Variants in HNF1B observed in about 807,000 individuals in gnomAD.
The protein encoded by HNF1B is HNF1 homeobox B, also known as hepatocyte nuclear factor 1-beta.
In HNF1B, 8 loss-of-function variants were observed where a neutral mutation model predicts 61.7. The observed-to-expected ratio is 0.13, with a 90% CI of 0.08 to 0.23. The LOEUF is 0.23. Ranked by LOEUF, HNF1B falls within the 10% of genes least tolerant of loss-of-function variation. The pLI is 1.00. For synonymous variants in HNF1B, 314 were observed against 287.7 expected (o/e 1.09, Z -0.93); for missense variants, 562 against 714.5 (o/e 0.79, Z 2.43).
At chr17:37,696,587 T>C (rs1465271768) in intron 8 of HNF1B, among the ~76,000 whole-genome samples, 2 of 152,242 alleles carry the variant, frequency 1.3e-5, no homozygotes, top group Non-Finnish European at 2.9e-5. Flanking sequence ...CAGAGGCAGA[T>C]GCTGGCATCA....
At chr17:37,719,555 T>G (rs1390962984) in intron 4 of HNF1B, among the ~76,000 whole-genome samples, 1 of 152,252 alleles carries the variant, frequency 6.6e-6, no homozygotes, top group African/African-American at 2.4e-5. Context: ...AGTGCCCTTC[T>G]GCAGTCTGGC....
At chr17:37,689,146 CAAAAAAAAAAAAAA>C (rs71368464) in intron 8 of HNF1B, among the ~76,000 whole-genome samples, 1 of 62,428 alleles carries the variant, frequency 1.6e-5, no homozygotes. Context: ...CTTGGTCTCA[CAAAAAAAAAAAAAA>C]AAAAAAAAAA....
chr17:37,739,582 G>T lies in HNF1B; in HGVS notation c.402C>A (p.Ile134=). 1 of 1,614,150 alleles carries T rather than the reference G, an allele frequency of 6.2e-7. No homozygotes were observed. The highest frequency in any genetic ancestry group is 8.5e-7 in the Non-Finnish European group (1 of 1,180,034). The change falls in exon 2 of 9, where the codon ATC becomes ATA. Residue 134 remains isoleucine (I), a synonymous_variant. Coordinates refer to ENST00000617811, the MANE Select transcript of HNF1B (RefSeq NM_000458.4). ...MIKGYMQQHN[I]PQREVVDVTG... The stretch of plus-strand genomic sequence containing the variant: ...TGACATCGACCACCTCCCTCTGGGG[G>T]ATGTTGTGTTGCTGCATGTAACCCT...
chr17:37,732,932 C>T (rs931266597), intron 3 of HNF1B, among the ~76,000 whole-genome samples: 1 of 151,978 alleles, frequency 6.6e-6, no homozygotes, highest in Non-Finnish European at 1.5e-5. Context: ...CCTCCCGCCT[C>T]GGCCTCCCAA....
intron 3 of HNF1B, among the ~76,000 whole-genome samples, chr17:37,732,860 A>T (rs1398714859): frequency 1.1e-4 from 15 of 136,430 alleles, no homozygotes; most frequent in African/African-American, 3.9e-4. Flanking sequence ...TTTTTTTTTT[A>T]AATAGAGATA....
chr17:37,736,840 G>A (rs2033846915), intron 2 of HNF1B, among the ~76,000 whole-genome samples: 1 of 152,192 alleles, frequency 6.6e-6, no homozygotes, highest in South Asian at 2.1e-4. Flanking sequence ...GGGTTCCACT[G>A]ACATCAGGGG....
In HNF1B at chr17:37,699,056, G is replaced by A. The variant is rs775794797; in HGVS notation, c.1653+20C>T. ...ACACCCTGCCCACACCCCAACCCCC[G>A]CAAATCCTGCTGGCATTACCTGTTT... On this transcript the variant is annotated intron_variant, in intron 8 of 8. Coordinates refer to ENST00000617811, the MANE Select transcript of HNF1B (RefSeq NM_000458.4). 1.3e-5 allele frequency: 20 copies of A among 1,574,770 alleles called. No individual in the cohort carries two copies. Among genetic ancestry groups the A allele is most frequent in the Middle Eastern group, 1.7e-4 (1 of 5,950 alleles).
At chr17:37,730,501 C>A in intron 4 of HNF1B, 1 of 152,440 alleles carries the variant, frequency 6.6e-6, no homozygotes, top group Non-Finnish European at 1.5e-5. Flanking sequence ...AGAGGCAGTG[C>A]TATGGGAGGG....
rs5820230 is a variant in HNF1B at position 37,688,380 on chromosome 17, AACACACACAC to A, written c.1654-998_1654-989del. 3.8e-3 allele frequency among the ~76,000 whole-genome samples: 519 copies of A among 136,180 alleles called. 5 individuals are homozygous for A. Among genetic ancestry groups the A allele is most frequent in the Non-Finnish European group, 6.1e-3 (381 of 62,872 alleles). 89.3% of individuals were successfully genotyped at this position (136,180 alleles called of 152,430 possible). On this transcript the variant is annotated intron_variant, in intron 8 of 8. Coordinates refer to ENST00000617811, the MANE Select transcript of HNF1B (RefSeq NM_000458.4). The stretch of plus-strand genomic sequence containing the variant: ...GGCTTATTCTCTCAAGATCCCCCCA[AACACACACAC>A]ACACACACACACACACACACACACA...
At chr17:37,696,570 T>A (rs58679466) in intron 8 of HNF1B, among the ~76,000 whole-genome samples, 1 of 152,128 alleles carries the variant, frequency 6.6e-6, no homozygotes, top group Non-Finnish European at 1.5e-5. Flanking sequence ...CCTTCTGAGG[T>A]CTTCAGCAGA....
chr17:37,710,462 T>C (rs1336485789), intron 5 of HNF1B, 41 bp downstream of exon 5: 8 of 1,611,384 alleles, frequency 5.0e-6, no homozygotes, highest in Non-Finnish European at 6.8e-6. Flanking sequence ...TTGCCTCTTA[T>C]CTTATCAGCT....
intron 8 of HNF1B, among the ~76,000 whole-genome samples, chr17:37,688,808 G>A (rs1187141850): frequency 6.6e-6 from 1 of 152,140 alleles, no homozygotes; most frequent in Admixed American, 6.5e-5. Flanking sequence ...TTATTAACAT[G>A]GGGTTCTTCG....
At chr17:37,687,447 G>A (rs371177700) in intron 8 of HNF1B, 55 bp from the exon 9 acceptor site, 51 of 1,411,162 alleles carry the variant, frequency 3.6e-5, no homozygotes, top group Non-Finnish European at 5.0e-5. Context: ...AGGGTCATGG[G>A]CCATTAGTTT....
At chr17:37,738,512 G>A (rs910934617) in intron 2 of HNF1B, among the ~76,000 whole-genome samples, 1 of 152,224 alleles carries the variant, frequency 6.6e-6, no homozygotes, top group Non-Finnish European at 1.5e-5. Flanking sequence ...CCTAGATAAA[G>A]CCAGAGGATA....
intron 4 of HNF1B, among the ~76,000 whole-genome samples, chr17:37,723,842 A>G (rs942193547): frequency 1.9e-4 from 29 of 152,256 alleles, no homozygotes; most frequent in African/African-American, 7.0e-4. Context: ...TTACATATAT[A>G]TTATCTTATT....
In HNF1B at chr17:37,722,214, C is replaced by G. The variant is rs547329786; in HGVS notation, c.1045+9381G>C. Among the ~76,000 whole-genome samples, 5 of 152,240 alleles carry G rather than the reference C, an allele frequency of 3.3e-5. No homozygotes were observed. In the East Asian group the frequency reaches 7.7e-4, roughly 23 times the overall value. On this transcript the variant is annotated intron_variant, in intron 4 of 8. Transcript: ENST00000617811. ...CCCGATTGAAACTACAAGGTAAGAC[C>G]CTTGTCAAGAACCCAGGGAGAACCC...
intron 3 of HNF1B, 45 bp downstream of exon 3, chr17:37,733,512 C>A (rs1422779657): frequency 1.9e-6 from 3 of 1,612,526 alleles, no homozygotes; most frequent in Non-Finnish European, 2.5e-6. Flanking sequence ...GTTCCTGGGT[C>A]TGTGTACTTG....
At chr17:37,693,602 C>T (rs1000152567) in intron 8 of HNF1B, among the ~76,000 whole-genome samples, 23 of 152,228 alleles carry the variant, frequency 1.5e-4, no homozygotes, top group African/African-American at 5.1e-4. Context: ...TGCCCAGTAG[C>T]ATTTAACTTT....
At chr17:37,716,109 A>T (rs1297302750) in intron 4 of HNF1B, among the ~76,000 whole-genome samples, 1 of 152,198 alleles carries the variant, frequency 6.6e-6, no homozygotes, top group African/African-American at 2.4e-5. Flanking sequence ...AGATCGTGCC[A>T]CTGCACTCCA....
Sources: gnomAD v4.1 joint callset for allele counts (sites outside exome capture counted in the v4.1 genomes callset) on GRCh38, gnomAD v4.1.1 for gene constraint, MANE v1.5 for transcripts, NCBI Gene and HGNC (gene_info 2026-07-23, HGNC 2026-07-21) for gene names.